The following IL33 variants were observed in gnomAD, a reference collection of about 807,000 sequenced individuals.
The protein encoded by IL33 is interleukin-33.
In IL33, 37 loss-of-function variants were observed where a neutral mutation model predicts 27.3. The observed-to-expected ratio is 1.36, with a 90% CI of 1.04 to 1.78. The LOEUF (loss-of-function observed/expected upper bound fraction) is 1.78. IL33 is among the 40% of genes most tolerant of loss of function. The pLI is 0.00. For missense variants in IL33, 406 were observed against 311.4 expected, an observed-to-expected ratio of 1.30 and a Z score of -2.29; for synonymous variants, 132 against 102.9, an observed-to-expected ratio of 1.28 and a Z score of -1.71.
intron 1 of IL33, among the ~76,000 whole-genome samples, chr9:6,228,090 T>G (rs1227359629): frequency 6.6e-6 from 1 of 152,196 alleles, no homozygotes; most frequent in East Asian, 1.9e-4. Flanking sequence ...TTGAATAAGT[T>G]AAATATGTGA....
At chr9:6,217,842 A>C (rs1818208925) in intron 1 of IL33, among the ~76,000 whole-genome samples, 1 of 152,064 alleles carries the variant, frequency 6.6e-6, no homozygotes, top group South Asian at 2.1e-4. Context: ...GCTGCATACA[A>C]GTCAGAGACT....
chr9:6,234,033 G>C (rs1246638673), intron 1 of IL33, among the ~76,000 whole-genome samples: 1 of 152,108 alleles, frequency 6.6e-6, no homozygotes, highest in Admixed American at 6.6e-5. Context: ...TTCTCTCTTA[G>C]CCTTCATAAT....
At chr9:6,237,325 TG>T (rs1819280663) in intron 1 of IL33, among the ~76,000 whole-genome samples, 1 of 152,230 alleles carries the variant, frequency 6.6e-6, no homozygotes, top group Non-Finnish European at 1.5e-5. Context: ...GCAAAGAATT[TG>T]CAGGTTATTT....
rs1160291949 is a variant in IL33 at position 6,254,463 on chromosome 9, T to G, written c.522T>G (p.Gly174=). The change falls in exon 7 of 8, where the codon GGT becomes GGG. Residue 174 remains glycine (G), a splice_region_variant and synonymous_variant. Transcript: ENST00000682010. ...CATTTATACTTTCTTAATTGTAAGG[T>G]GACGGTGTTGATGGTAAGATGTTAA... The part of the protein sequence containing the change: ...YESQHPSNES[G]DGVDGKMLMV... 1 of 1,569,534 alleles carries G rather than the reference T, an allele frequency of 6.4e-7. No individual in the cohort carries two copies. Among genetic ancestry groups the G allele is most frequent in the Admixed American group, 1.8e-5 (1 of 56,162 alleles).
At chr9:6,233,107 T>C (rs1266578387) in intron 1 of IL33, among the ~76,000 whole-genome samples, 1 of 152,164 alleles carries the variant, frequency 6.6e-6, no homozygotes, top group Non-Finnish European at 1.5e-5. Context: ...CTCCAGAACA[T>C]TTTTTTCATC....
intron 2 of IL33, among the ~76,000 whole-genome samples, chr9:6,248,477 C>G (rs1349965735): frequency 6.6e-6 from 1 of 152,118 alleles, no homozygotes; most frequent in Non-Finnish European, 1.5e-5. Flanking sequence ...CTCTGACTTA[C>G]TCACTGCTGC....
intron 2 of IL33, among the ~76,000 whole-genome samples, chr9:6,248,828 C>G (rs574680885): frequency 2.0e-5 from 3 of 152,114 alleles, no homozygotes; most frequent in Non-Finnish European, 4.4e-5. Context: ...ATTTTCTTGC[C>G]TCAGCCTCCC....
intron 2 of IL33, among the ~76,000 whole-genome samples, chr9:6,245,220 C>G (rs577983459): frequency 6.6e-6 from 1 of 152,080 alleles, no homozygotes; most frequent in African/African-American, 2.4e-5. Context: ...TAGGATTGAA[C>G]GGTGTTATTG....
chr9:6,215,770 T>C (rs572128378), upstream of IL33: 2 of 152,272 alleles, frequency 1.3e-5, no homozygotes, highest in African/African-American at 4.8e-5. Flanking sequence ...TCTGCCAAAC[T>C]TTGGCTAATA....
chr9:6,255,903 G>C, intron 7 of IL33, 65 bp from the exon 8 acceptor site: 3 of 1,282,242 alleles, frequency 2.3e-6, no homozygotes, highest in East Asian at 4.6e-5. Flanking sequence ...TTCCAATACA[G>C]GCAGGTAAAG....
chr9:6,235,348 C>A (rs1482506380), intron 1 of IL33, among the ~76,000 whole-genome samples: 9 of 152,118 alleles, frequency 5.9e-5, no homozygotes. Context: ...CCAGCCCTGA[C>A]TTATTCTTTA....
chr9:6,227,915 G>A (rs144919729), intron 1 of IL33, among the ~76,000 whole-genome samples: 58 of 152,238 alleles, frequency 3.8e-4, no homozygotes, highest in African/African-American at 1.3e-3. Context: ...AACGGATTTG[G>A]ATTCCTCCAC....
At position 6,251,270 on chromosome 9, in the gene IL33, G is replaced by T; in HGVS notation, c.343+5G>T. On this transcript the variant is annotated splice_donor_5th_base_variant and intron_variant, in intron 4 of 7. Coordinates refer to ENST00000682010, the MANE Select transcript of IL33 (RefSeq NM_033439.4). ...TTCATGATTCAAGTATCACAGGTAT[G>T]ACTGGTTACAGGGGTGATGTGGGAG... 1.2e-6 allele frequency: 2 copies of T among 1,612,924 alleles called. No homozygotes were observed. Among genetic ancestry groups the T allele is most frequent in the South Asian group, 2.2e-5 (2 of 90,970 alleles).
intron 1 of IL33, 130 bp downstream of exon 1, chr9:6,215,982 T>C (rs576509051): frequency 6.6e-6 from 1 of 152,224 alleles, no homozygotes; most frequent in South Asian, 2.1e-4. Flanking sequence ...TTATTGCTAA[T>C]AGCAGTAAAA....
chr9:6,236,477 CCTT>C (rs1587632992), intron 1 of IL33, among the ~76,000 whole-genome samples: 1 of 152,082 alleles, frequency 6.6e-6, no homozygotes, highest in African/African-American at 2.4e-5. Flanking sequence ...CAATCTGTGT[CCTT>C]CTATATTATA....
chr9:6,229,585 A>C (rs1376235846), intron 1 of IL33, among the ~76,000 whole-genome samples: 1 of 152,212 alleles, frequency 6.6e-6, no homozygotes, highest in Non-Finnish European at 1.5e-5. Flanking sequence ...CAACCAGGGA[A>C]TCTACCTCCA....
At chr9:6,216,614 G>C (rs140637713) in intron 1 of IL33, among the ~76,000 whole-genome samples, 1 of 152,168 alleles carries the variant, frequency 6.6e-6, no homozygotes, top group African/African-American at 2.4e-5. Context: ...TGGGTGTGGT[G>C]GTGGGCACCT....
At chr9:6,227,155 C>T (rs1012569196) in intron 1 of IL33, among the ~76,000 whole-genome samples, 1 of 152,170 alleles carries the variant, frequency 6.6e-6, no homozygotes, top group Admixed American at 6.6e-5. Context: ...TCCCTTCTGC[C>T]GAGTTTATTT....
chr9:6,250,640 T>C, intron 3 of IL33, 41 bp downstream of exon 3: 1 of 1,591,416 alleles, frequency 6.3e-7, no homozygotes, highest in South Asian at 1.1e-5. Context: ...GTGATAAGTA[T>C]CTGTTTGCCT....
Sources: gnomAD v4.1 joint callset for allele counts (sites outside exome capture counted in the v4.1 genomes callset) on GRCh38, gnomAD v4.1.1 for gene constraint, MANE v1.5 for transcripts, NCBI Gene and HGNC (gene_info 2026-07-23, HGNC 2026-07-21) for gene names.